The following ZNF385D variants were observed in gnomAD, a reference collection of about 807,000 sequenced individuals.
ZNF385D encodes the protein zinc finger protein 385D.
ZNF385D carries 15 observed loss-of-function variants against 35.8 expected under a neutral mutation model. That is an observed-to-expected ratio of 0.42 (90% CI 0.28 to 0.64). The LOEUF (loss-of-function observed/expected upper bound fraction) is 0.64. ZNF385D is among the 30% of genes least tolerant of loss of function. The pLI is 0.23. For missense variants in ZNF385D, 474 were observed against 494.6 expected (o/e 0.96, Z 0.39); for synonymous variants, 212 against 186.8 (o/e 1.13, Z -1.10).
At chr3:22,307,834 G>C (rs1703319410) in intron 2 of ZNF385D, among the ~76,000 whole-genome samples, 1 of 151,108 alleles carries the variant, frequency 6.6e-6, no homozygotes, top group African/African-American at 2.4e-5. Context: ...AAGCAACAAA[G>C]AAGAAACACT....
At chr3:21,978,859 T>C (rs1368062929) in intron 3 of ZNF385D, among the ~76,000 whole-genome samples, 42 of 152,172 alleles carry the variant, frequency 2.8e-4, no homozygotes, top group Admixed American at 2.8e-3. Flanking sequence ...TGTATAAAAA[T>C]ATTCACAAAT....
intron 2 of ZNF385D, among the ~76,000 whole-genome samples, chr3:22,194,743 A>G (rs1038663730): frequency 6.6e-6 from 1 of 151,930 alleles, no homozygotes; most frequent in Non-Finnish European, 1.5e-5. Flanking sequence ...TAGGTAGAAT[A>G]AAAAAGTGTG....
At chr3:21,651,669 A>G (rs1277722625) in intron 2 of ZNF385D, among the ~76,000 whole-genome samples, 1 of 152,138 alleles carries the variant, frequency 6.6e-6, no homozygotes, top group Non-Finnish European at 1.5e-5. Flanking sequence ...ATTTAAACTG[A>G]ACTTCTTAAC....
At chr3:21,674,839 T>G (rs1431466777) in intron 1 of ZNF385D, among the ~76,000 whole-genome samples, 1 of 152,214 alleles carries the variant, frequency 6.6e-6, no homozygotes, top group South Asian at 2.1e-4. Context: ...CATTCTTGAC[T>G]TCTATATATT....
chr3:21,887,934 AAAT>A (rs1485592227), intron 3 of ZNF385D, among the ~76,000 whole-genome samples: 1 of 152,152 alleles, frequency 6.6e-6, no homozygotes, highest in Non-Finnish European at 1.5e-5. Context: ...ATGTCCATTG[AAAT>A]AATATTAATA....
chr3:22,085,553 A>G (rs1479325504), intron 3 of ZNF385D, among the ~76,000 whole-genome samples: 3 of 152,202 alleles, frequency 2.0e-5, no homozygotes, highest in African/African-American at 7.2e-5. Flanking sequence ...GAATAGACCA[A>G]TAACAGGCTC....
intron 3 of ZNF385D, among the ~76,000 whole-genome samples, chr3:22,083,647 G>C (rs1700878611): frequency 6.6e-6 from 1 of 152,182 alleles, no homozygotes; most frequent in South Asian, 2.1e-4. Flanking sequence ...AACCAAGTTG[G>C]AAAACACTCT....
intron 3 of ZNF385D, among the ~76,000 whole-genome samples, chr3:22,070,546 T>C (rs1700180663): frequency 6.6e-6 from 1 of 152,142 alleles, no homozygotes; most frequent in Non-Finnish European, 1.5e-5. Context: ...CTTCCCATCC[T>C]AGGACACACT....
At chr3:22,284,110 A>T (rs1390967799) in intron 2 of ZNF385D, among the ~76,000 whole-genome samples, 1 of 152,136 alleles carries the variant, frequency 6.6e-6, no homozygotes, top group East Asian at 1.9e-4. Context: ...TACAACTGCC[A>T]TTCTATATCC....
intron 3 of ZNF385D, among the ~76,000 whole-genome samples, chr3:22,095,208 T>G (rs999648603): frequency 2.0e-4 from 30 of 151,518 alleles, no homozygotes; most frequent in African/African-American, 7.3e-4. Flanking sequence ...ATTACAGGTG[T>G]GAACGATAGC....
At chr3:21,971,942 A>C (rs1234748557) in intron 3 of ZNF385D, among the ~76,000 whole-genome samples, 1 of 152,002 alleles carries the variant, frequency 6.6e-6, no homozygotes, top group Non-Finnish European at 1.5e-5. Flanking sequence ...CAACACTGGG[A>C]CACCCAGATA....
intron 2 of ZNF385D, among the ~76,000 whole-genome samples, chr3:22,369,968 A>C (rs1484081968): frequency 2.0e-5 from 3 of 152,216 alleles, no homozygotes; most frequent in Admixed American, 6.5e-5. Flanking sequence ...AATTACAAAA[A>C]AACTAAGTTA....
At chr3:22,187,840 A>G (rs571191222) in intron 2 of ZNF385D, among the ~76,000 whole-genome samples, 3 of 152,272 alleles carry the variant, frequency 2.0e-5, no homozygotes, top group South Asian at 2.1e-4. Context: ...TTGGACACTG[A>G]GAGACTATCT....
intron 3 of ZNF385D, among the ~76,000 whole-genome samples, chr3:21,937,389 T>C (rs545083094): frequency 3.3e-5 from 5 of 152,280 alleles, no homozygotes; most frequent in East Asian, 1.9e-4. Flanking sequence ...ATTTGCCCCA[T>C]TGTGCCACTG....
At chr3:21,538,699 T>C (rs557363662) in intron 3 of ZNF385D, among the ~76,000 whole-genome samples, 1 of 152,232 alleles carries the variant, frequency 6.6e-6, no homozygotes, top group South Asian at 2.1e-4. Flanking sequence ...CCAATAGAAT[T>C]ATACGGTGTG....
intron 4 of ZNF385D, among the ~76,000 whole-genome samples, chr3:21,454,537 C>T (rs1702662904): frequency 6.6e-6 from 1 of 152,068 alleles, no homozygotes; most frequent in African/African-American, 2.4e-5. Context: ...ATGCTCCCAC[C>T]TTAGAAACTT....
intron 3 of ZNF385D, among the ~76,000 whole-genome samples, chr3:21,871,862 C>T (rs372048355): frequency 4.0e-5 from 6 of 151,732 alleles, no homozygotes; most frequent in East Asian, 3.9e-4. Context: ...AAAAATTAGC[C>T]GACAGGCGCC....
intron 3 of ZNF385D, among the ~76,000 whole-genome samples, chr3:21,995,465 C>G (rs932890650): frequency 3.9e-5 from 6 of 152,082 alleles, no homozygotes; most frequent in Middle Eastern, 3.2e-3. Flanking sequence ...GCAGGCTGAG[C>G]TGACCCATCT....
At chr3:22,092,419 C>G (rs948849052) in intron 3 of ZNF385D, among the ~76,000 whole-genome samples, 5 of 152,154 alleles carry the variant, frequency 3.3e-5, no homozygotes, top group Admixed American at 1.3e-4. Context: ...AGTGCTGACT[C>G]TGAAACCCCA....
Sources: gnomAD v4.1 joint callset for allele counts (sites outside exome capture counted in the v4.1 genomes callset) on GRCh38, gnomAD v4.1.1 for gene constraint, MANE v1.5 for transcripts, NCBI Gene and HGNC (gene_info 2026-07-23, HGNC 2026-07-21) for gene names.